The following PARD3 variants were observed in gnomAD, a reference collection of about 807,000 sequenced individuals.
PARD3 encodes the protein par-3 family cell polarity regulator.
Under a neutral mutation model 155.4 loss-of-function variants are expected in PARD3, and 75 were observed. That is an observed-to-expected ratio of 0.48 (90% CI 0.40 to 0.58). The LOEUF is 0.58. Ranked by LOEUF, PARD3 falls within the 20% of genes least tolerant of loss-of-function variation. The pLI is 0.00. For synonymous variants in PARD3, 576 were observed against 610.5 expected (o/e 0.94, Z 0.83); for missense variants, 1,642 against 1,721.7 (o/e 0.95, Z 0.82).
At chr10:34,395,188 CA>C (rs762509570) in intron 7 of PARD3, among the ~76,000 whole-genome samples, 118 of 152,222 alleles carry the variant, frequency 7.8e-4, no homozygotes, top group Non-Finnish European at 1.2e-3. Context: ...GCACCTGCCA[CA>C]ATGCCCAGCT....
chr10:34,550,274 T>G (rs1589975102), intron 2 of PARD3, among the ~76,000 whole-genome samples: 1 of 152,096 alleles, frequency 6.6e-6, no homozygotes, highest in Admixed American at 6.5e-5. Flanking sequence ...CAGGCTGGAG[T>G]GCAGTGGTAG....
intron 1 of PARD3, among the ~76,000 whole-genome samples, chr10:34,703,721 G>A (rs1037440052): frequency 4.6e-5 from 7 of 152,106 alleles, no homozygotes; most frequent in Admixed American, 6.6e-5. Flanking sequence ...GAAGATTGGT[G>A]GGGGGAAGGG....
intron 22 of PARD3, among the ~76,000 whole-genome samples, chr10:34,252,916 T>C (rs1954413834): frequency 6.6e-6 from 1 of 152,138 alleles, no homozygotes; most frequent in South Asian, 2.1e-4. Context: ...GACATACTGT[T>C]TCAGTTATAA....
intron 2 of PARD3, among the ~76,000 whole-genome samples, chr10:34,553,133 A>G (rs2084721395): frequency 6.6e-6 from 1 of 152,186 alleles, no homozygotes; most frequent in African/African-American, 2.4e-5. Context: ...ATCGCCATCG[A>G]TCCACCAAGC....
At chr10:34,774,294 T>G (rs759743877) in intron 1 of PARD3, among the ~76,000 whole-genome samples, 2 of 152,228 alleles carry the variant, frequency 1.3e-5, no homozygotes, top group Non-Finnish European at 2.9e-5. Context: ...GAGTCACCTT[T>G]TAGGCAAGGC....
chr10:34,530,119 G>T (rs578037738), intron 2 of PARD3, among the ~76,000 whole-genome samples: 1 of 152,244 alleles, frequency 6.6e-6, no homozygotes, highest in Admixed American at 6.5e-5. Flanking sequence ...AGAAGAGGAG[G>T]GGTTGGTCTT....
At chr10:34,440,880 A>G (rs2076427156) in intron 5 of PARD3, among the ~76,000 whole-genome samples, 1 of 152,040 alleles carries the variant, frequency 6.6e-6, no homozygotes, top group Non-Finnish European at 1.5e-5. Context: ...GATACTTAGC[A>G]TTCTTAATGG....
intron 2 of PARD3, among the ~76,000 whole-genome samples, chr10:34,591,776 G>T (rs1383370458): frequency 1.3e-5 from 2 of 152,168 alleles, no homozygotes; most frequent in Non-Finnish European, 2.9e-5. Context: ...GGTACAACTG[G>T]TGCAAGCTAA....
At chr10:34,369,005 T>C (rs1840286560) in intron 12 of PARD3, among the ~76,000 whole-genome samples, 1 of 148,772 alleles carries the variant, frequency 6.7e-6, no homozygotes, top group South Asian at 2.1e-4. Flanking sequence ...TGAAACTATA[T>C]ATGTAGCTTA....
chr10:34,416,070 C>T (rs1191589835), intron 5 of PARD3, among the ~76,000 whole-genome samples: 1 of 152,172 alleles, frequency 6.6e-6, no homozygotes, highest in Non-Finnish European at 1.5e-5. Flanking sequence ...CATCTCCTGT[C>T]TGTGCTATCA....
rs764181890 is a variant in PARD3, at chr10:34,399,383, G to A, written c.837C>T (p.Asn279=). Residue 279 remains asparagine, a synonymous_variant, in exon 7 of 25, where the codon AAC becomes AAT. Transcript: ENST00000374788. ...DDMVKLVEVP[N]DGGPLGIHVV... is the part of the protein sequence containing the mutation. ...CGTGGATTCCCAGAGGCCCTCCATC[G>A]TTGGGGACTTCTACGAGCTTTACCA... 33 of 1,611,144 alleles carry A rather than the reference G, an allele frequency of 2.0e-5. No individual in the cohort carries two copies. The highest frequency in any genetic ancestry group is 1.3e-4 in the East Asian group (6 of 44,860).
chr10:34,471,493 ACT>A (rs1336660568), intron 3 of PARD3, among the ~76,000 whole-genome samples: 3 of 152,258 alleles, frequency 2.0e-5, no homozygotes, highest in Middle Eastern at 3.4e-3. Context: ...TGTTTAGAAT[ACT>A]CTGTTTTTAA....
chr10:34,659,179 G>T (rs1320054398), intron 2 of PARD3, among the ~76,000 whole-genome samples: 1 of 152,128 alleles, frequency 6.6e-6, no homozygotes, highest in Non-Finnish European at 1.5e-5. Flanking sequence ...CTGCCTCCAA[G>T]GAGCCTTGAC....
chr10:34,238,891 A>G (rs1953403818), intron 22 of PARD3, among the ~76,000 whole-genome samples: 1 of 152,226 alleles, frequency 6.6e-6, no homozygotes. Flanking sequence ...AGCCATGAAT[A>G]TACATGGTTT....
At chr10:34,248,008 A>T (rs535557065) in intron 22 of PARD3, among the ~76,000 whole-genome samples, 2 of 152,332 alleles carry the variant, frequency 1.3e-5, no homozygotes, top group South Asian at 4.1e-4. Flanking sequence ...CCCCAACCAC[A>T]CTAGGTACAT....
At chr10:34,694,750 C>G (rs1301228501) in intron 2 of PARD3, among the ~76,000 whole-genome samples, 2 of 152,158 alleles carry the variant, frequency 1.3e-5, no homozygotes, top group East Asian at 3.8e-4. Flanking sequence ...TCCACCATGA[C>G]AGGTGCAACA....
At chr10:34,499,864 G>A (rs935625085) in intron 3 of PARD3, among the ~76,000 whole-genome samples, 1 of 152,128 alleles carries the variant, frequency 6.6e-6, no homozygotes, top group Non-Finnish European at 1.5e-5. Context: ...ACATAGCATA[G>A]TATTTGCATA....
intron 15 of PARD3, chr10:34,343,425 T>C (rs1340663270): frequency 7.1e-6 from 7 of 981,952 alleles, no homozygotes; most frequent in African/African-American, 5.2e-5. Flanking sequence ...AGAAATATTA[T>C]ACCTTAACTG....
chr10:34,118,556 G>C (rs1396546449), intron 24 of PARD3, among the ~76,000 whole-genome samples: 1 of 152,052 alleles, frequency 6.6e-6, no homozygotes, highest in African/African-American at 2.4e-5. Context: ...ATGTTGCCCA[G>C]GCTGGTCTCG....
Sources: gnomAD v4.1 joint callset for allele counts (sites outside exome capture counted in the v4.1 genomes callset) on GRCh38, gnomAD v4.1.1 for gene constraint, MANE v1.5 for transcripts, NCBI Gene and HGNC (gene_info 2026-07-23, HGNC 2026-07-21) for gene names.